Variants in SMPD4 observed in about 807,000 individuals in gnomAD.
SMPD4 encodes the protein neutral sphingomyelinase 3.
In SMPD4, 58 loss-of-function variants were observed where a neutral mutation model predicts 97.8. The ratio of observed to expected loss-of-function variants is 0.59; its 90% CI spans 0.48 to 0.74. The LOEUF (loss-of-function observed/expected upper bound fraction) is 0.74, where lower values mean the gene tolerates loss of function less well. Among genes scored for constraint, SMPD4 ranks in the 30% least tolerant of loss-of-function variants. The pLI is 0.00. For synonymous variants in SMPD4, 388 were observed against 450.0 expected (o/e 0.86, Z 1.74); for missense variants, 853 against 1,080.5 (o/e 0.79, Z 2.95).
chr2:130,163,674 C>A (rs1328922124), intron 10 of SMPD4, among the ~76,000 whole-genome samples: 1 of 152,260 alleles, frequency 6.6e-6, no homozygotes, highest in African/African-American at 2.4e-5. Context: ...ATGGAGATGA[C>A]TGACTGGAGA....
intron 11 of SMPD4, among the ~76,000 whole-genome samples, chr2:130,160,080 A>G (rs1471681312): frequency 6.6e-6 from 1 of 152,078 alleles, no homozygotes; most frequent in African/African-American, 2.4e-5. Context: ...TTGCTTCTTA[A>G]GGATGTGTCC....
chr2:130,181,734 T>C, upstream of SMPD4: 2 of 1,548,454 alleles, frequency 1.3e-6, no homozygotes, highest in Non-Finnish European at 1.7e-6. Flanking sequence ...GAGGCAGGAG[T>C]GCGGGGGAGG....
intron 3 of SMPD4, among the ~76,000 whole-genome samples, 185 bp downstream of exon 3, chr2:130,174,729 G>A (rs1573727542): frequency 6.6e-6 from 1 of 152,196 alleles, no homozygotes; most frequent in East Asian, 1.9e-4. Flanking sequence ...CTGTGGCTGA[G>A]AACCCCTGAT....
At position 130,181,343 on chromosome 2, in the gene SMPD4, C is replaced by T. The variant is rs561997077; in HGVS notation, c.-46+187G>A. 3 of 1,431,766 alleles carry T rather than the reference C, an allele frequency of 2.1e-6. 1 individual carries two copies. The highest frequency in any genetic ancestry group is 2.7e-6 in the Non-Finnish European group (3 of 1,097,410). The allele number at this position is 1,431,766 out of a possible 1,614,324, so 88.7% of individuals were successfully genotyped here. A position where few individuals can be genotyped will look rare whatever the true frequency, so the allele number is the denominator to read the frequency against. ...GCCGCGCGGGAAGGTGGCACAAAGG[C>T]ATGGCCCAGAGGGGTGGCAGAAGAC... On this transcript the variant is annotated intron_variant, in intron 1 of 19. Transcript: ENST00000680298.
chr2:130,181,721 G>T, upstream of SMPD4: 1 of 1,549,082 alleles, frequency 6.5e-7, no homozygotes, highest in Non-Finnish European at 8.7e-7. Context: ...GAAGAGAAAT[G>T]GCGAGGCAGG....
chr2:130,163,102 G>A (rs960413707), intron 10 of SMPD4, among the ~76,000 whole-genome samples: 2 of 152,258 alleles, frequency 1.3e-5, no homozygotes, highest in African/African-American at 4.8e-5. Context: ...AGGAGCAACA[G>A]GAACACAATG....
At chr2:130,169,205 G>A (rs751696127) in intron 8 of SMPD4, among the ~76,000 whole-genome samples, 12 of 152,294 alleles carry the variant, frequency 7.9e-5, no homozygotes, top group Non-Finnish European at 1.5e-4. Flanking sequence ...AGGGGCGGCC[G>A]CATGCTCTGG....
In SMPD4 at chr2:130,157,311, G is replaced by A; in HGVS notation, c.1037C>T (p.Pro346Leu). ...HLHAFANSLK[P>L]EQASPSAHSH... ...GTGGGCGGAGGGTGAGGCCTGCTCTGGCTTCAGGCTGTTGGCAAAGGCGTG... is the reference window on the plus strand; with the variant it reads ...GTGGGCGGAGGGTGAGGCCTGCTCTAGCTTCAGGCTGTTGGCAAAGGCGTG... Residue 346 changes from proline to leucine, a missense_variant, in exon 12 of 20, where the codon CCA becomes CTA. Coordinates refer to ENST00000680298, the MANE Select transcript of SMPD4 (RefSeq NM_017951.5). 1 of 1,580,656 alleles carries A rather than the reference G, an allele frequency of 6.3e-7. No homozygotes were observed. Among genetic ancestry groups the A allele is most frequent in the Non-Finnish European group, 8.6e-7 (1 of 1,164,064 alleles).
chr2:130,153,217 A>G, intron 18 of SMPD4, 46 bp from the exon 19 acceptor site: 1 of 1,613,444 alleles, frequency 6.2e-7, no homozygotes, highest in East Asian at 2.2e-5. Context: ...ACAGCCCCAC[A>G]CACAACTCAG....
chr2:130,163,578 C>G (rs1687630432), intron 10 of SMPD4, among the ~76,000 whole-genome samples: 1 of 152,270 alleles, frequency 6.6e-6, no homozygotes, highest in Non-Finnish European at 1.5e-5. Flanking sequence ...CCCAAGCATA[C>G]TGATGCACAG....
chr2:130,152,897 C>G lies in SMPD4; in HGVS notation c.2155-13G>C, dbSNP rs1028803360. On this transcript the variant is annotated splice_polypyrimidine_tract_variant and intron_variant, in intron 19 of 19. Transcript: ENST00000680298. ...TCTGTCCTGCAAACTGAAGCACAGA[C>G]AGAGGCACGGGGATGTGGGGTGGTG... is the stretch of plus-strand genomic sequence containing the variant. 1.3e-6 allele frequency: 2 copies of G among 1,573,502 alleles called. No homozygotes were observed. The highest frequency in any genetic ancestry group is 1.3e-5 in the African/African-American group (1 of 74,222).
At chr2:130,155,035 G>A in intron 15 of SMPD4, 61 bp downstream of exon 15, 1 of 1,589,516 alleles carries the variant, frequency 6.3e-7, no homozygotes, top group Non-Finnish European at 8.6e-7. Flanking sequence ...CCCCAGCTAA[G>A]GGCCTGGCCC....
Position 130,172,827 on chromosome 2 carries a change from C to G in SMPD4, c.414G>C (p.Gln138His). ...PDSPLYHNKV[Q>H]FTPTGGLGLN... is the part of the protein sequence containing the mutation. ...GACCAAGGCCCCCAGTAGGGGTGAA[C>G]TGGACCTTGTTGTGGTACAGAGGAC... is the stretch of plus-strand genomic sequence containing the variant. The change falls in exon 6 of 20, where the codon CAG becomes CAC. Residue 138 changes from glutamine to histidine, a missense_variant. Transcript: ENST00000680298. 6.2e-7 allele frequency: 1 copy of G among 1,614,134 alleles called. No individual in the cohort carries two copies. Among genetic ancestry groups the G allele is most frequent in the South Asian group, 1.1e-5 (1 of 91,076 alleles).
Position 130,154,377 on chromosome 2 carries a change from G to A in SMPD4, c.1559C>T (p.Ala520Val), listed in dbSNP as rs552669482. Reference protein sequence around the residue: ...TGSFLSPWPPAVTDASFKVKS... With the variant: ...TGSFLSPWPPVVTDASFKVKS... ...CACCTTGAAGGAGGCATCAGTGACC[G>A]CTGGTGGCCAGGGTGACAGGAAGCT... The change falls in exon 16 of 20, where the codon GCG (alanine) becomes GTG (valine). Residue 520 changes from alanine (A) to valine (V), a missense_variant. Transcript: ENST00000680298. 20 of 1,610,444 alleles carry A rather than the reference G, an allele frequency of 1.2e-5. No homozygotes were observed. The East Asian group carries it at 1.3e-4, about 11-fold the overall frequency.
chr2:130,159,941 G>A (rs1327523354), intron 11 of SMPD4, among the ~76,000 whole-genome samples: 5 of 152,170 alleles, frequency 3.3e-5, no homozygotes, highest in Non-Finnish European at 7.3e-5. Context: ...GTCCGCCCCT[G>A]CCGCCGGCAG....
chr2:130,167,647 G>A (rs1055504969), intron 8 of SMPD4, 57 bp from the exon 9 acceptor site: 181 of 1,530,170 alleles, frequency 1.2e-4, no homozygotes, highest in Non-Finnish European at 1.4e-4. Context: ...ACTCGCTCCC[G>A]CTGTAACAGG....
At chr2:130,155,793 A>G (rs1157220093) in intron 14 of SMPD4, among the ~76,000 whole-genome samples, 1 of 152,226 alleles carries the variant, frequency 6.6e-6, no homozygotes, top group Non-Finnish European at 1.5e-5. Flanking sequence ...GGGAGAGGGG[A>G]CAGGGCAGGA....
chr2:130,156,687 G>A lies in SMPD4; in HGVS notation c.1098-12C>T, dbSNP rs762806597. On this transcript the variant is annotated splice_polypyrimidine_tract_variant and intron_variant, in intron 12 of 19. Coordinates refer to ENST00000680298, the MANE Select transcript of SMPD4 (RefSeq NM_017951.5). ...TCGGGACAGCAGCCCTGCAGGGGAT[G>A]GGGAGGGTCACCTGCTGCTTGCCCA... The A allele has an allele frequency of 6.2e-7, 1 of 1,611,124 alleles. No homozygotes were observed. The highest frequency in any genetic ancestry group is 1.3e-5 in the African/African-American group (1 of 74,958).
intron 1 of SMPD4, among the ~76,000 whole-genome samples, chr2:130,178,205 C>T (rs2407474): frequency 1.3e-5 from 2 of 152,150 alleles, no homozygotes; most frequent in South Asian, 2.1e-4. Flanking sequence ...AAATGGATGC[C>T]GGTTTAAGCT....
Sources: allele counts gnomAD v4.1 joint callset (sites outside exome capture counted in the v4.1 genomes callset), GRCh38; gene constraint gnomAD v4.1.1; transcripts MANE v1.5; gene names NCBI Gene and HGNC (gene_info 2026-07-23, HGNC 2026-07-21).